PKHD1: variants seen among roughly 807,000 people sequenced by gnomAD.
PKHD1 encodes the protein PKHD1 ciliary IPT domain containing fibrocystin/polyductin.
Under a neutral mutation model 412.0 loss-of-function variants are expected in PKHD1, and 291 were observed. That is an observed-to-expected ratio of 0.71 (90% confidence interval 0.64 to 0.78). PKHD1 has a LOEUF of 0.78. Ranked by LOEUF, PKHD1 falls within the 30% of genes least tolerant of loss-of-function variation. The pLI, the probability that PKHD1 is intolerant of heterozygous loss-of-function variation, is 0.00. For synonymous variants in PKHD1, 1,777 were observed against 1,821.5 expected (o/e 0.98, Z 0.62); for missense variants, 4,825 against 4,950.7 (o/e 0.97, Z 0.76).
intron 34 of PKHD1, among the ~76,000 whole-genome samples, chr6:52,011,936 C>T (rs1415976314): frequency 2.0e-5 from 3 of 152,198 alleles, no homozygotes; most frequent in African/African-American, 7.2e-5. Flanking sequence ...GTACCTGATA[C>T]TGTGTTCATT....
intron 60 of PKHD1, among the ~76,000 whole-genome samples, chr6:51,660,903 ACTCT>A (rs974806954): frequency 1.3e-5 from 2 of 151,478 alleles, no homozygotes; most frequent in Non-Finnish European, 2.9e-5. Context: ...CAACCTTCAG[ACTCT>A]CTCCCTTCCC....
At chr6:51,667,947 A>T (rs1180049507) in intron 60 of PKHD1, among the ~76,000 whole-genome samples, 1 of 152,122 alleles carries the variant, frequency 6.6e-6, no homozygotes, top group Non-Finnish European at 1.5e-5. Flanking sequence ...TGGTTACTGT[A>T]GCCTTGTAGT....
intron 58 of PKHD1, 76 bp from the exon 59 acceptor site, chr6:51,746,965 A>G (rs974602528): frequency 1.1e-6 from 1 of 878,630 alleles, no homozygotes; most frequent in Admixed American, 2.2e-5. Context: ...ATACAACTAA[A>G]TATTGTTATA....
At position 52,079,800 on chromosome 6, in the gene PKHD1, G is replaced by A. The variant is rs115998572; in HGVS notation, c.390+100C>T. On this transcript the variant is annotated intron_variant, in intron 5 of 66. Coordinates refer to ENST00000371117, the MANE Select transcript of PKHD1 (RefSeq NM_138694.4). Reference sequence around the variant, plus strand: ...ACCATCCACCATTTTCTTTTAACCCGGTCAAGCAGACACGCTGGCTCATTT... The same window carrying A: ...ACCATCCACCATTTTCTTTTAACCCAGTCAAGCAGACACGCTGGCTCATTT... 1.3e-3 allele frequency: 998 copies of A among 784,132 alleles called. 4 individuals carry two copies. In the African/African-American group the frequency reaches 0.014, roughly 11 times the overall value. 48.6% of individuals were successfully genotyped at this position (784,132 alleles called of 1,614,324 possible). A position where few individuals can be genotyped will look rare whatever the true frequency, so the allele number is the denominator to read the frequency against.
intron 1 of PKHD1, among the ~76,000 whole-genome samples, chr6:52,086,259 C>T (rs778726937): frequency 6.6e-5 from 10 of 151,138 alleles, no homozygotes; most frequent in African/African-American, 9.7e-5. Flanking sequence ...TACAGGTGTG[C>T]GCCACCACAC....
In PKHD1 at chr6:52,033,045, T is replaced by C. The variant is rs1803310889; in HGVS notation, c.3349A>G (p.Ile1117Val). The change falls in exon 29 of 67, where the codon ATA becomes GTA. Residue 1117 changes from isoleucine to valine, a missense_variant. Transcript: ENST00000371117. Reference sequence around the variant, plus strand: ...CATATTTTACCTGCTATATTGCTTATGTTTCTGCTCAGAGTCACAATAACT... The same window carrying C: ...CATATTTTACCTGCTATATTGCTTACGTTTCTGCTCAGAGTCACAATAACT... Reference protein sequence around the residue: ...NPVIVTLSRNISNIAGGETLV... With the variant: ...NPVIVTLSRNVSNIAGGETLV... 2 of 1,612,826 alleles carry C rather than the reference T, an allele frequency of 1.2e-6. No homozygotes were observed. Among genetic ancestry groups the C allele is most frequent in the Non-Finnish European group, 1.7e-6 (2 of 1,178,898 alleles).
intron 23 of PKHD1, among the ~76,000 whole-genome samples, chr6:52,048,043 C>T (rs760045407): frequency 6.6e-5 from 10 of 152,154 alleles, no homozygotes; most frequent in Admixed American, 3.9e-4. Flanking sequence ...ACCACAGAGG[C>T]GGTGGTTGGA....
chr6:51,947,457 T>C (rs538447285), intron 36 of PKHD1, among the ~76,000 whole-genome samples: 2 of 152,232 alleles, frequency 1.3e-5, no homozygotes, highest in East Asian at 3.8e-4. Flanking sequence ...AACCTTTGTC[T>C]TTCCTTCACC....
Position 51,619,507 on chromosome 6 carries a change from C to T in PKHD1, c.11799G>A (p.Lys3933=), listed in dbSNP as rs1766347811. The part of the protein sequence containing the change: ...DTVVGEDMRM[K]VMLGKVNQCP... ...ACTGGTTCACCTTGCCCAGCATGACCTTCATTCTCATATCTGGGGGGAAAA... is the reference window on the plus strand; with the variant it reads ...ACTGGTTCACCTTGCCCAGCATGACTTTCATTCTCATATCTGGGGGGAAAA... The change falls in exon 67 of 67, where the codon AAG becomes AAA. Residue 3933 remains lysine, a synonymous_variant. Transcript: ENST00000371117. The T allele has an allele frequency of 1.2e-6, 2 of 1,613,942 alleles. No homozygotes were observed. The highest frequency in any genetic ancestry group is 1.7e-6 in the Non-Finnish European group (2 of 1,179,814).
At chr6:51,934,992 G>A (rs1787241212) in intron 36 of PKHD1, among the ~76,000 whole-genome samples, 1 of 152,114 alleles carries the variant, frequency 6.6e-6, no homozygotes, top group Admixed American at 6.5e-5. Context: ...GCATTCTAAG[G>A]AGCCTGGGAA....
chr6:51,821,104 T>A (rs1181551497), intron 52 of PKHD1, among the ~76,000 whole-genome samples: 2 of 152,196 alleles, frequency 1.3e-5, no homozygotes, highest in Non-Finnish European at 2.9e-5. Flanking sequence ...TCCCTTCTTT[T>A]GTAAGAAAGG....
chr6:52,045,230 A>G, intron 24 of PKHD1, 142 bp from the exon 25 acceptor site: 1 of 812,910 alleles, frequency 1.2e-6, no homozygotes, highest in South Asian at 1.5e-5. Flanking sequence ...GAGAATTGAA[A>G]TATAGAAACG....
At chr6:51,911,310 A>G (rs1782908917) in intron 39 of PKHD1, among the ~76,000 whole-genome samples, 1 of 152,166 alleles carries the variant, frequency 6.6e-6, no homozygotes, top group African/African-American at 2.4e-5. Flanking sequence ...CTATTCTACT[A>G]GAAGATAAAT....
intron 22 of PKHD1, among the ~76,000 whole-genome samples, chr6:52,049,841 A>C (rs1009736360): frequency 6.6e-6 from 1 of 152,216 alleles, no homozygotes; most frequent in African/African-American, 2.4e-5. Flanking sequence ...AAATGCCACT[A>C]TTTTTAAACT....
At chr6:51,705,107 T>C (rs1779863621) in intron 60 of PKHD1, among the ~76,000 whole-genome samples, 5 of 152,034 alleles carry the variant, frequency 3.3e-5, no homozygotes, top group Admixed American at 3.3e-4. Context: ...GAAAACTCAG[T>C]TGTCCATATC....
Position 52,050,233 on chromosome 6 carries a change from C to CT in PKHD1, c.2202_2203insA (p.Val735SerfsTer31). The CT allele has an allele frequency of 6.2e-7, 1 of 1,614,226 alleles. No homozygotes were observed. On this transcript the variant is annotated frameshift_variant, in exon 22 of 67. Transcript: ENST00000371117. LOFTEE classifies it high-confidence loss of function. ...ACACTGTAGACCGGAGGGGATCCCA[C>CT]CACAGAGACTGATTCCACCAGATTG...
intron 60 of PKHD1, among the ~76,000 whole-genome samples, chr6:51,691,048 G>GA (rs1177084539): frequency 2.6e-5 from 4 of 152,014 alleles, no homozygotes; most frequent in Non-Finnish European, 5.9e-5. Context: ...ACAACCATAT[G>GA]AAAAAAAGAT....
chr6:51,982,681 G>A (rs1462830560), intron 35 of PKHD1, among the ~76,000 whole-genome samples: 3 of 146,082 alleles, frequency 2.1e-5, no homozygotes, highest in Non-Finnish European at 3.0e-5. Flanking sequence ...GCGGAAGGCC[G>A]CAGGGTCCTC....
chr6:51,751,239 G>T (rs1786068846), intron 57 of PKHD1, among the ~76,000 whole-genome samples: 1 of 152,098 alleles, frequency 6.6e-6, no homozygotes, highest in South Asian at 2.1e-4. Context: ...AAAAGTCTTG[G>T]CCTGCTTTTC....
Sources: gnomAD v4.1 joint callset for allele counts (sites outside exome capture counted in the v4.1 genomes callset) on GRCh38, gnomAD v4.1.1 for gene constraint, MANE v1.5 for transcripts, NCBI Gene and HGNC (gene_info 2026-07-23, HGNC 2026-07-21) for gene names.